RPS6KC1: variants seen among roughly 807,000 people sequenced by gnomAD.
RPS6KC1 encodes ribosomal protein S6 kinase C1.
In RPS6KC1, 54 loss-of-function variants were observed where a neutral mutation model predicts 103.8. The ratio of observed to expected loss-of-function variants is 0.52; its 90% CI spans 0.42 to 0.65. The LOEUF (loss-of-function observed/expected upper bound fraction) is 0.65, where lower values mean the gene tolerates loss of function less well. Among genes scored for constraint, RPS6KC1 ranks in the 30% least tolerant of loss-of-function variants. The pLI, the probability that RPS6KC1 is intolerant of heterozygous loss-of-function variation, is 0.00. For missense variants in RPS6KC1, 1,151 were observed against 1,253.8 expected (o/e 0.92, Z 1.24); for synonymous variants, 439 against 438.7 (o/e 1.00, Z -0.01).
chr1:213,607,093 G>A, the RPS6KC1 span, among the ~76,000 whole-genome samples: 1 of 152,144 alleles, frequency 6.6e-6, no homozygotes, highest in Non-Finnish European at 1.5e-5. Context: ...TGTCTTACGT[G>A]CTCAGCAATG....
the RPS6KC1 span, among the ~76,000 whole-genome samples, chr1:213,657,505 G>A: frequency 6.6e-6 from 1 of 152,136 alleles, no homozygotes; most frequent in Non-Finnish European, 1.5e-5. Flanking sequence ...GGGGACAAAT[G>A]TTAGAAGCAG....
chr1:213,440,735 T>C, the RPS6KC1 span, among the ~76,000 whole-genome samples: 2 of 152,164 alleles, frequency 1.3e-5, no homozygotes, highest in South Asian at 4.1e-4. Flanking sequence ...GATAGTCTTC[T>C]TGTAGCATTT....
At chr1:213,218,896 C>A (rs2093744153) in intron 8 of RPS6KC1, among the ~76,000 whole-genome samples, 1 of 152,152 alleles carries the variant, frequency 6.6e-6, no homozygotes, top group Admixed American at 6.5e-5. Context: ...AAATGTTAGA[C>A]CTAAAACTGT....
chr1:213,803,119 T>C, the RPS6KC1 span, among the ~76,000 whole-genome samples: 2 of 152,022 alleles, frequency 1.3e-5, no homozygotes, highest in African/African-American at 4.8e-5. Flanking sequence ...AGTAATCAAG[T>C]GGCAAGGTCA....
At chr1:213,498,772 ATTTT>A in the RPS6KC1 span, among the ~76,000 whole-genome samples, 1 of 112,022 alleles carries the variant, frequency 8.9e-6, no homozygotes. Flanking sequence ...GTTTTCTAAG[ATTTT>A]TTTTTTTTTT....
At chr1:213,133,656 G>T (rs1176505593) in intron 6 of RPS6KC1, among the ~76,000 whole-genome samples, 1 of 152,132 alleles carries the variant, frequency 6.6e-6, no homozygotes, top group African/African-American at 2.4e-5. Context: ...CTGGTTTTGT[G>T]TAGTTTGTTC....
the RPS6KC1 span, among the ~76,000 whole-genome samples, chr1:213,755,921 G>T: frequency 6.6e-6 from 1 of 152,292 alleles, no homozygotes; most frequent in Non-Finnish European, 1.5e-5. Context: ...AGTAACAGAG[G>T]CACCTTATTT....
chr1:213,712,056 A>G, the RPS6KC1 span, among the ~76,000 whole-genome samples: 1 of 152,202 alleles, frequency 6.6e-6, no homozygotes, highest in African/African-American at 2.4e-5. Flanking sequence ...CGGTACATCC[A>G]CTGCTCTCTT....
At chr1:213,054,987 A>G (rs1004360125) in intron 1 of RPS6KC1, among the ~76,000 whole-genome samples, 2 of 152,234 alleles carry the variant, frequency 1.3e-5, no homozygotes, top group African/African-American at 2.4e-5. Flanking sequence ...CAGTAGGTGA[A>G]TGGCAGTTCT....
the RPS6KC1 span, among the ~76,000 whole-genome samples, chr1:213,498,640 G>C: frequency 6.6e-6 from 1 of 152,030 alleles, no homozygotes; most frequent in Admixed American, 6.6e-5. Context: ...ATTTTTAGTA[G>C]AGACAGGGTT....
chr1:213,560,619 G>C, the RPS6KC1 span, among the ~76,000 whole-genome samples: 1 of 152,164 alleles, frequency 6.6e-6, no homozygotes, highest in Non-Finnish European at 1.5e-5. Flanking sequence ...TAACCTTTGA[G>C]ACCCTAAGTA....
the RPS6KC1 span, among the ~76,000 whole-genome samples, chr1:213,354,254 A>G: frequency 6.6e-6 from 1 of 152,230 alleles, no homozygotes; most frequent in Non-Finnish European, 1.5e-5. Context: ...ACCTGGCACC[A>G]TGAGTGCTCA....
chr1:213,522,790 A>G, the RPS6KC1 span, among the ~76,000 whole-genome samples: 1 of 152,324 alleles, frequency 6.6e-6, no homozygotes, highest in East Asian at 1.9e-4. Flanking sequence ...CTATTTCTGG[A>G]TCAAGACTTG....
At chr1:213,425,839 CG>C in the RPS6KC1 span, among the ~76,000 whole-genome samples, 1 of 152,070 alleles carries the variant, frequency 6.6e-6, no homozygotes, top group Non-Finnish European at 1.5e-5. Context: ...GCTGCTGCTG[CG>C]GTGGCGGTGG....
At chr1:213,506,090 G>A in the RPS6KC1 span, among the ~76,000 whole-genome samples, 1 of 152,156 alleles carries the variant, frequency 6.6e-6, no homozygotes, top group Non-Finnish European at 1.5e-5. Flanking sequence ...AACTGTGACT[G>A]GGGTAAATTC....
At chr1:213,569,189 C>G in the RPS6KC1 span, among the ~76,000 whole-genome samples, 1 of 152,188 alleles carries the variant, frequency 6.6e-6, no homozygotes, top group African/African-American at 2.4e-5. Flanking sequence ...GTCTTTGCTC[C>G]TTGCTGTTGG....
the RPS6KC1 span, among the ~76,000 whole-genome samples, chr1:213,759,527 T>A: frequency 6.6e-6 from 1 of 152,208 alleles, no homozygotes; most frequent in African/African-American, 2.4e-5. Context: ...ATTATTTCCA[T>A]GTCACAGATG....
At chr1:213,681,005 A>G in the RPS6KC1 span, among the ~76,000 whole-genome samples, 4 of 152,330 alleles carry the variant, frequency 2.6e-5, no homozygotes, top group South Asian at 6.2e-4. Flanking sequence ...GTCAGTTTTT[A>G]TAGTGCACAG....
the RPS6KC1 span, chr1:213,840,113 G>A: frequency 6.6e-6 from 1 of 152,104 alleles, no homozygotes; most frequent in Non-Finnish European, 1.5e-5. Flanking sequence ...CCTGCTTGGA[G>A]CTTCTCAGCA....
Sources: gnomAD v4.1 joint callset for allele counts (sites outside exome capture counted in the v4.1 genomes callset) on GRCh38, gnomAD v4.1.1 for gene constraint, MANE v1.5 for transcripts, NCBI Gene and HGNC (gene_info 2026-07-23, HGNC 2026-07-21) for gene names.